The following SPATA17 variants were observed in gnomAD, a reference collection of about 807,000 sequenced individuals.
SPATA17 encodes spermatogenesis associated 17.
In SPATA17, 53 loss-of-function variants were observed where a neutral mutation model predicts 62.2. The observed-to-expected ratio is 0.85, with a 90% CI of 0.68 to 1.07. The LOEUF (loss-of-function observed/expected upper bound fraction) is 1.07. Ranked by LOEUF, SPATA17 falls within the 50% of genes least tolerant of loss-of-function variation. The pLI is 0.00. For missense variants in SPATA17, 466 were observed against 425.5 expected, an observed-to-expected ratio of 1.10 and a Z score of -0.84; for synonymous variants, 146 against 146.8, an observed-to-expected ratio of 0.99 and a Z score of 0.04.
Position 217,631,378 on chromosome 1 carries a change from C to T in SPATA17, c.-1C>T. ...AGTTGTAAACCCAAGGCCAAGAGACCATGGCCACGTTAGCCCGGCTGCAAG... is the reference window on the plus strand; with the variant it reads ...AGTTGTAAACCCAAGGCCAAGAGACTATGGCCACGTTAGCCCGGCTGCAAG... On this transcript the variant is annotated 5_prime_UTR_variant, in exon 1 of 11. Transcript: ENST00000366933. 3 of 1,614,126 alleles carry T rather than the reference C, an allele frequency of 1.9e-6. No homozygotes were observed. The highest frequency in any genetic ancestry group is 1.1e-5 in the South Asian group (1 of 91,074).
intron 8 of SPATA17, among the ~76,000 whole-genome samples, chr1:217,792,134 G>T (rs1674007005): frequency 1.3e-5 from 2 of 152,240 alleles, no homozygotes; most frequent in South Asian, 4.2e-4. Context: ...GTGTTAGGCT[G>T]CATGTGGCCC....
chr1:217,780,444 T>G (rs539828203), intron 7 of SPATA17, among the ~76,000 whole-genome samples: 1 of 152,270 alleles, frequency 6.6e-6, no homozygotes, highest in East Asian at 1.9e-4. Context: ...TGAGTTTACT[T>G]TCATTCTAAT....
intron 5 of SPATA17, among the ~76,000 whole-genome samples, chr1:217,730,242 G>T (rs1248358469): frequency 1.3e-5 from 2 of 150,112 alleles, no homozygotes; most frequent in Non-Finnish European, 3.0e-5. Flanking sequence ...TTTTGAGATG[G>T]AGTCTCACTC....
intron 9 of SPATA17, among the ~76,000 whole-genome samples, chr1:217,811,561 TGC>T (rs1674588850): frequency 6.6e-6 from 1 of 152,004 alleles, no homozygotes; most frequent in Non-Finnish European, 1.5e-5. Flanking sequence ...GGCATGGTGG[TGC>T]ACACCTGTAA....
chr1:217,857,138 A>G (rs556444992), intron 9 of SPATA17, among the ~76,000 whole-genome samples: 1 of 152,140 alleles, frequency 6.6e-6, no homozygotes, highest in Admixed American at 6.6e-5. Flanking sequence ...TCTAATCTCA[A>G]AAGTTTTGTC....
chr1:217,738,991 C>A (rs1263413201), intron 5 of SPATA17, among the ~76,000 whole-genome samples: 1 of 152,058 alleles, frequency 6.6e-6, no homozygotes, highest in Non-Finnish European at 1.5e-5. Context: ...AGAGTCTATG[C>A]TCTTAATCAC....
At chr1:217,827,198 A>G (rs1370783040) in intron 9 of SPATA17, among the ~76,000 whole-genome samples, 3 of 152,068 alleles carry the variant, frequency 2.0e-5, no homozygotes, top group Admixed American at 6.6e-5. Flanking sequence ...TTCTATATTA[A>G]AGTTTATGCT....
In SPATA17 at chr1:217,827,638, C is replaced by T. The variant is rs575023354; in HGVS notation, c.1005+25788C>T. ...CAAAGACATGGAATCAACCCAAATG[C>T]CCATCAGTGATAGACTGGATAAAGA... On this transcript the variant is annotated intron_variant, in intron 9 of 10. Coordinates refer to ENST00000366933, the MANE Select transcript of SPATA17 (RefSeq NM_138796.4). Among the ~76,000 whole-genome samples, 17 of 152,224 alleles carry T rather than the reference C, an allele frequency of 1.1e-4. No homozygotes were observed. The East Asian group carries it at 3.3e-3, about 29-fold the overall frequency.
intron 5 of SPATA17, among the ~76,000 whole-genome samples, chr1:217,725,041 T>C (rs571233399): frequency 4.6e-5 from 7 of 152,316 alleles, no homozygotes; most frequent in African/African-American, 1.7e-4. Flanking sequence ...CTTTGCATGA[T>C]TTTAAGAATA....
intron 10 of SPATA17, among the ~76,000 whole-genome samples, chr1:217,863,875 G>T (rs1675947454): frequency 6.6e-6 from 1 of 152,150 alleles, no homozygotes; most frequent in Non-Finnish European, 1.5e-5. Flanking sequence ...ATGCTAGTTA[G>T]AATCCCCCAG....
chr1:217,818,319 C>T (rs1674773414), intron 9 of SPATA17, among the ~76,000 whole-genome samples: 1 of 152,042 alleles, frequency 6.6e-6, no homozygotes, highest in South Asian at 2.1e-4. Context: ...AACATTTATA[C>T]AGTCAATCAT....
At chr1:217,686,905 G>A (rs1246573529) in intron 5 of SPATA17, among the ~76,000 whole-genome samples, 1 of 152,146 alleles carries the variant, frequency 6.6e-6, no homozygotes, top group Admixed American at 6.5e-5. Context: ...TTTTAGTAGA[G>A]ATGGGATTTC....
At chr1:217,705,591 C>G (rs1671715952) in intron 5 of SPATA17, among the ~76,000 whole-genome samples, 1 of 151,708 alleles carries the variant, frequency 6.6e-6, no homozygotes, top group African/African-American at 2.4e-5. Context: ...CAGGTGTGTG[C>G]CACTATGCCC....
intron 5 of SPATA17, among the ~76,000 whole-genome samples, chr1:217,740,432 C>A (rs1375560196): frequency 2.6e-5 from 4 of 151,940 alleles, no homozygotes; most frequent in Non-Finnish European, 5.9e-5. Flanking sequence ...TTTTTCCCAG[C>A]AAAAGTTCTT....
chr1:217,697,176 T>G (rs1250444716), intron 5 of SPATA17, among the ~76,000 whole-genome samples: 2 of 152,208 alleles, frequency 1.3e-5, no homozygotes, highest in African/African-American at 4.8e-5. Flanking sequence ...GCTAATTTTT[T>G]GTATTTTTAG....
intron 1 of SPATA17, among the ~76,000 whole-genome samples, chr1:217,644,452 A>G (rs1336071140): frequency 6.6e-6 from 1 of 152,148 alleles, no homozygotes; most frequent in Non-Finnish European, 1.5e-5. Flanking sequence ...GCAGCTAATA[A>G]TGGAATTTTA....
chr1:217,806,098 A>G (rs1674429697), intron 9 of SPATA17, among the ~76,000 whole-genome samples: 1 of 152,254 alleles, frequency 6.6e-6, no homozygotes, highest in South Asian at 2.1e-4. Flanking sequence ...CTATGCCAAA[A>G]GGGAAAAATT....
chr1:217,658,679 A>C (rs1424433198), intron 3 of SPATA17, among the ~76,000 whole-genome samples: 8 of 151,890 alleles, frequency 5.3e-5, no homozygotes, highest in Non-Finnish European at 1.0e-4. Flanking sequence ...AATGGCGTGA[A>C]CCCGGGAGGT....
intron 4 of SPATA17, among the ~76,000 whole-genome samples, chr1:217,677,499 C>T (rs1005510835): frequency 5.3e-5 from 8 of 151,656 alleles, no homozygotes; most frequent in Admixed American, 2.6e-4. Flanking sequence ...AAAAAGGATA[C>T]GGAAGGTCTT....
Sources: allele counts gnomAD v4.1 joint callset (sites outside exome capture counted in the v4.1 genomes callset), GRCh38; gene constraint gnomAD v4.1.1; transcripts MANE v1.5; gene names NCBI Gene and HGNC (gene_info 2026-07-23, HGNC 2026-07-21).